The following MTHFSD variants were observed in gnomAD, a reference collection of about 807,000 sequenced individuals.
The protein encoded by MTHFSD is methenyltetrahydrofolate synthase domain-containing protein.
Under a neutral mutation model 31.1 loss-of-function variants are expected in MTHFSD, and 37 were observed. The observed-to-expected ratio is 1.19, with a 90% CI of 0.91 to 1.56. The LOEUF (loss-of-function observed/expected upper bound fraction) is 1.56. Among genes scored for constraint, MTHFSD ranks in the 40% most tolerant of loss-of-function variants. The pLI, the probability that MTHFSD is intolerant of heterozygous loss-of-function variation, is 0.00. For synonymous variants in MTHFSD, 221 were observed against 206.9 expected (o/e 1.07, Z -0.59); for missense variants, 664 against 510.1 (o/e 1.30, Z -2.91).
chr16:86,541,953 C>T, intron 6 of MTHFSD, 131 bp from the exon 7 acceptor site: 2 of 1,397,926 alleles, frequency 1.4e-6, no homozygotes, highest in Non-Finnish European at 9.8e-7. Flanking sequence ...TAAGGCTTAG[C>T]CGCTGTACCA....
Position 86,552,030 on chromosome 16 carries a change from T to TACCTGCAGC in MTHFSD, c.231_237+2dup, listed in dbSNP as rs1422349886. ...TCGGCTCGGCTCAGGGAAGTGGAAT[T>TACCTGCAGC]ACCTGCAGCACCAGCAGCCGAACGC... is the stretch of plus-strand genomic sequence containing the variant. On this transcript the variant is annotated splice_region_variant and intron_variant, in intron 3 of 7. Coordinates refer to ENST00000360900, the MANE Select transcript of MTHFSD (RefSeq NM_001159377.2). The TACCTGCAGC allele has an allele frequency of 1.9e-6, 3 of 1,614,126 alleles. No individual in the cohort carries two copies. The Admixed American group carries it at 5.0e-5, about 27-fold the overall frequency.
rs1973228596 is a variant in MTHFSD at position 86,552,056 on chromosome 16, C to T, written c.214G>A (p.Gly72Ser). The T allele has an allele frequency of 1.9e-6, 3 of 1,614,226 alleles. No homozygotes were observed. Among genetic ancestry groups the T allele is most frequent in the Non-Finnish European group, 2.5e-6 (3 of 1,180,048 alleles). The change falls in exon 3 of 8, where the codon GGC becomes AGC. Residue 72 changes from glycine to serine, a missense_variant. Coordinates refer to ENST00000360900, the MANE Select transcript of MTHFSD (RefSeq NM_001159377.2). The part of the protein sequence containing the change: ...VKVDPDKPLE[G>S]VRLLVLQSKK... ...ACCTGCAGCACCAGCAGCCGAACGC[C>T]TTCCAGTGGTTTATCAGGGTCCACT...
rs1973822491 is a variant in MTHFSD, at chr16:86,554,768, C to G, written c.17-17G>C. On this transcript the variant is annotated splice_polypyrimidine_tract_variant and intron_variant, in intron 1 of 7. Coordinates refer to ENST00000360900, the MANE Select transcript of MTHFSD (RefSeq NM_001159377.2). ...AGACACCTACTGCAACAAAAGATTC[C>G]CACTTAATAACATACAAAGGAATTC... 3.8e-6 allele frequency: 6 copies of G among 1,591,664 alleles called. No individual in the cohort carries two copies. The highest frequency in any genetic ancestry group is 5.2e-6 in the Non-Finnish European group (6 of 1,160,110).
rs1235084908 is a variant in MTHFSD at position 86,531,381 on chromosome 16, T to C, written c.*630A>G. On this transcript the variant is annotated 3_prime_UTR_variant, in exon 8 of 8. Transcript: ENST00000360900. The surrounding 1 kb of genome is among the most constrained non-coding windows in gnomAD (Gnocchi z 5.5). ...CAGCCAGCTGGCTGAGGGCCCGGAG[T>C]GTGTCCACAGAGGGAGGAGCGGGGC... The C allele has an allele frequency of 6.6e-6, 1 of 151,924 alleles. No homozygotes were observed. The highest frequency in any genetic ancestry group is 1.5e-5 in the Non-Finnish European group (1 of 68,068). 9.4% of individuals were successfully genotyped at this position (151,924 alleles called of 1,614,324 possible).
intron 4 of MTHFSD, 45 bp from the exon 5 acceptor site, chr16:86,546,694 T>C (rs1321140874): frequency 6.7e-7 from 1 of 1,502,442 alleles, no homozygotes; most frequent in Non-Finnish European, 9.3e-7. Context: ...TCCAGCTGCT[T>C]CCTCATTTTA....
rs112843924 is a variant in MTHFSD at position 86,541,031 on chromosome 16, C to A, written c.681+666G>T. The stretch of plus-strand genomic sequence containing the variant: ...TGATTTGGGATTAAAGAATGGGAGA[C>A]GTGGACACGTATGCTTATTTGACCA... On this transcript the variant is annotated intron_variant, in intron 7 of 7. Coordinates refer to ENST00000360900, the MANE Select transcript of MTHFSD (RefSeq NM_001159377.2). The A allele has an allele frequency of 4.2e-5, 50 of 1,181,268 alleles. No homozygotes were observed. The African/African-American group carries it at 6.7e-4, about 16-fold the overall frequency. The allele number at this position is 1,181,268 out of a possible 1,614,324, so 73.2% of individuals were successfully genotyped here.
In MTHFSD at chr16:86,541,010, TTGGGATTAAAGAA is replaced by T; in HGVS notation, c.681+674_681+686del. 2.6e-6 allele frequency: 3 copies of T among 1,171,134 alleles called. No homozygotes were observed. The South Asian group carries it at 4.9e-5, about 19-fold the overall frequency. The allele number at this position is 1,171,134 out of a possible 1,614,324, so 72.5% of individuals were successfully genotyped here. A position where few individuals can be genotyped will look rare whatever the true frequency, so the allele number is the denominator to read the frequency against. On this transcript the variant is annotated intron_variant, in intron 7 of 7. Coordinates refer to ENST00000360900, the MANE Select transcript of MTHFSD (RefSeq NM_001159377.2). ...AGGAGGGATTCAAACGGTGAATGAT[TTGGGATTAAAGAA>T]TGGGAGACGTGGACACGTATGCTTA...
In MTHFSD at chr16:86,531,921, G is replaced by A. The variant is rs1970026163; in HGVS notation, c.*90C>T. Reference sequence around the variant, plus strand: ...TCAGGCGGTGGCTCCGACACGTCTTGCCACGCAGGCCTCTCGAGTGCCATC... The same window carrying A: ...TCAGGCGGTGGCTCCGACACGTCTTACCACGCAGGCCTCTCGAGTGCCATC... On this transcript the variant is annotated 3_prime_UTR_variant, in exon 8 of 8. Coordinates refer to ENST00000360900, the MANE Select transcript of MTHFSD (RefSeq NM_001159377.2). The surrounding 1 kb of genome is among the most constrained non-coding windows in gnomAD (Gnocchi z 5.5). The A allele has an allele frequency of 3.3e-6, 3 of 897,778 alleles. No homozygotes were observed. The highest frequency in any genetic ancestry group is 4.7e-6 in the Non-Finnish European group (3 of 642,746). The allele number at this position is 897,778 out of a possible 1,614,324, so 55.6% of individuals were successfully genotyped here.
chr16:86,547,506 G>A (rs750181954), intron 4 of MTHFSD: 11 of 986,498 alleles, frequency 1.1e-5, no homozygotes, highest in Non-Finnish European at 1.3e-5. Flanking sequence ...AGGAAACCCT[G>A]CACTGCAGGA....
At chr16:86,540,407 G>A (rs1049014599) in intron 7 of MTHFSD, among the ~76,000 whole-genome samples, 2 of 152,148 alleles carry the variant, frequency 1.3e-5, no homozygotes, top group African/African-American at 4.8e-5. Context: ...TAACGTGTCC[G>A]ATGACTTCAT....
chr16:86,550,516 T>A (rs180856508), intron 3 of MTHFSD, among the ~76,000 whole-genome samples: 74 of 152,236 alleles, frequency 4.9e-4, no homozygotes, highest in Non-Finnish European at 8.5e-4. Flanking sequence ...GGTGGCTGAG[T>A]CAGAATCCTG....
At chr16:86,552,559 G>C (rs977990514) in intron 2 of MTHFSD, among the ~76,000 whole-genome samples, 1 of 152,204 alleles carries the variant, frequency 6.6e-6, no homozygotes, top group Non-Finnish European at 1.5e-5. Flanking sequence ...GAAGGCTGCT[G>C]TGTAACCACC....
In MTHFSD at chr16:86,541,682, A is replaced by T. The variant is rs1971537667; in HGVS notation, c.681+15T>A. 6.2e-7 allele frequency: 1 copy of T among 1,610,528 alleles called. No homozygotes were observed. On this transcript the variant is annotated intron_variant, in intron 7 of 7. Coordinates refer to ENST00000360900, the MANE Select transcript of MTHFSD (RefSeq NM_001159377.2). The stretch of plus-strand genomic sequence containing the variant: ...GCTAAGCTACAGGCCAGAGCTGGCC[A>T]CTGCCGTGACCCACCTTGAACCAGG...
intron 5 of MTHFSD, among the ~76,000 whole-genome samples, chr16:86,545,419 C>G (rs1972149136): frequency 6.6e-6 from 1 of 152,152 alleles, no homozygotes; most frequent in South Asian, 2.1e-4. Flanking sequence ...TTACTTTCTT[C>G]TTTATACATC....
chr16:86,534,904 G>C (rs1003278281), intron 7 of MTHFSD, among the ~76,000 whole-genome samples: 5 of 152,168 alleles, frequency 3.3e-5, no homozygotes, highest in Non-Finnish European at 7.3e-5. Context: ...ATCGGGAGCT[G>C]CGCCAGCCCA....
At chr16:86,546,984 G>A (rs1972410129) in intron 4 of MTHFSD, among the ~76,000 whole-genome samples, 1 of 152,236 alleles carries the variant, frequency 6.6e-6, no homozygotes, top group African/African-American at 2.4e-5. Context: ...CCAGGGAACT[G>A]GGTTCAGAGC....
chr16:86,540,905 G>A lies in MTHFSD; in HGVS notation c.681+792C>T, dbSNP rs546020168. On this transcript the variant is annotated intron_variant, in intron 7 of 7. Coordinates refer to ENST00000360900, the MANE Select transcript of MTHFSD (RefSeq NM_001159377.2). The stretch of plus-strand genomic sequence containing the variant: ...CCTGCCCAGGACACCTGCAGGGAAA[G>A]TCCCGGCTGGGCTGTGGCAAAAGCA... 1.2e-3 allele frequency: 1,390 copies of A among 1,129,586 alleles called. 1 individual carries two copies. Among genetic ancestry groups the A allele is most frequent in the Admixed American group, 1.5e-3 (37 of 24,816 alleles). The allele number at this position is 1,129,586 out of a possible 1,614,324, so 70.0% of individuals were successfully genotyped here.
chr16:86,554,906 G>A (rs922067722), intron 1 of MTHFSD, 155 bp from the exon 2 acceptor site: 2 of 1,072,846 alleles, frequency 1.9e-6, no homozygotes, highest in Non-Finnish European at 2.6e-6. Flanking sequence ...AGGGGCCCAC[G>A]GGCTCCCCCA....
intron 3 of MTHFSD, 92 bp from the exon 4 acceptor site, chr16:86,548,669 A>G (rs1398371380): frequency 1.0e-6 from 1 of 976,746 alleles, no homozygotes; most frequent in African/African-American, 1.7e-5. Context: ...GAGAAGAGGC[A>G]AATTACTATT....
Sources: gnomAD v4.1 joint callset for allele counts (sites outside exome capture counted in the v4.1 genomes callset) on GRCh38, gnomAD v4.1.1 for gene constraint, Gnocchi (gnomAD v3.1) non-coding constraint, MANE v1.5 for transcripts, NCBI Gene and HGNC (gene_info 2026-07-23, HGNC 2026-07-21) for gene names.